Variants in ZFAT observed in about 807,000 individuals in gnomAD.
The protein encoded by ZFAT is zinc finger protein ZFAT.
A neutral mutation model predicts 117.7 loss-of-function variants in ZFAT; 64 were observed. The observed-to-expected ratio is 0.54, with a 90% confidence interval of 0.44 to 0.67. The LOEUF is 0.67. ZFAT is among the 30% of genes least tolerant of loss of function. The probability of loss-of-function intolerance (pLI) is 0.00; values close to 1 mark genes in which losing one functional copy is unlikely to be tolerated. For missense variants in ZFAT, 1,433 were observed against 1,584.5 expected, an observed-to-expected ratio of 0.90 and a Z score of 1.62; for synonymous variants, 679 against 615.0, an observed-to-expected ratio of 1.10 and a Z score of -1.54.
chr8:134,519,823 C>G (rs1354165324), intron 13 of ZFAT, among the ~76,000 whole-genome samples: 1 of 151,950 alleles, frequency 6.6e-6, no homozygotes, highest in Admixed American at 6.6e-5. Context: ...GGATGACACA[C>G]ATTTTTTTTT....
intron 15 of ZFAT, among the ~76,000 whole-genome samples, chr8:134,488,467 T>C (rs945447295): frequency 6.6e-6 from 1 of 152,216 alleles, no homozygotes; most frequent in Non-Finnish European, 1.5e-5. Flanking sequence ...CCTCTGTGTT[T>C]AGACACCGCT....
the ZFAT span, among the ~76,000 whole-genome samples, chr8:134,819,142 TCAA>T: frequency 2.6e-5 from 4 of 151,928 alleles, no homozygotes; most frequent in South Asian, 2.1e-4. Context: ...AAATACATTC[TCAA>T]CAACAACAAA....
chr8:134,586,150 T>G (rs560940141), intron 9 of ZFAT, among the ~76,000 whole-genome samples: 4 of 152,172 alleles, frequency 2.6e-5, no homozygotes, highest in African/African-American at 9.7e-5. Context: ...CAGAGAAAGT[T>G]ATAAATTAGA....
Position 134,588,334 on chromosome 8 carries a change from A to C in ZFAT, c.2625T>G (p.Ile875Met), listed in dbSNP as rs1444366915. Residue 875 changes from isoleucine to methionine, a missense_variant, in exon 9 of 16, where the codon ATT becomes ATG. Physicochemically the swap from Ile to Met is conservative, Grantham distance 10. Coordinates refer to ENST00000377838, the MANE Select transcript of ZFAT (RefSeq NM_020863.4). ...LGRRVQLKGL[I>M]GKRAMKCPYC... ...ATGGGCATTTCATGGCTCTCTTTCC[A>C]ATTAGCCCTTTCAGCTGAACCCTCC... 6.3e-7 allele frequency: 1 copy of C among 1,592,566 alleles called. No homozygotes were observed. Among genetic ancestry groups the C allele is most frequent in the Admixed American group, 1.7e-5 (1 of 57,510 alleles).
At chr8:134,638,400 T>C (rs989673060) in intron 2 of ZFAT, among the ~76,000 whole-genome samples, 1 of 151,902 alleles carries the variant, frequency 6.6e-6, no homozygotes, top group Non-Finnish European at 1.5e-5. Context: ...GGAATGAAGG[T>C]GGGAATTAAG....
intron 11 of ZFAT, among the ~76,000 whole-genome samples, chr8:134,552,287 T>C (rs751877805): frequency 2.0e-5 from 3 of 152,226 alleles, no homozygotes; most frequent in Non-Finnish European, 4.4e-5. Context: ...ACATTTCATA[T>C]GCTTTGCATC....
chr8:134,769,669 CTG>C, the ZFAT span, among the ~76,000 whole-genome samples: 2 of 150,120 alleles, frequency 1.3e-5, no homozygotes, highest in East Asian at 4.1e-4. Context: ...AGTAGGGACT[CTG>C]TGTGGGGGCT....
intron 4 of ZFAT, among the ~76,000 whole-genome samples, chr8:134,609,200 A>C (rs1828137742): frequency 6.6e-6 from 1 of 152,080 alleles, no homozygotes; most frequent in African/African-American, 2.4e-5. Flanking sequence ...ATATACATAT[A>C]TATGTTACTT....
chr8:134,592,815 T>C (rs1586770902), intron 7 of ZFAT, among the ~76,000 whole-genome samples: 1 of 152,258 alleles, frequency 6.6e-6, no homozygotes, highest in East Asian at 1.9e-4. Context: ...AGAAAAAGTG[T>C]ACTTTACATT....
chr8:134,827,061 C>T, the ZFAT span, among the ~76,000 whole-genome samples: 3 of 151,552 alleles, frequency 2.0e-5, no homozygotes, highest in African/African-American at 4.9e-5. Flanking sequence ...TAGGGGTGTC[C>T]GGAGAGGGAG....
At chr8:134,548,739 C>T (rs1406245948) in intron 11 of ZFAT, among the ~76,000 whole-genome samples, 1 of 152,160 alleles carries the variant, frequency 6.6e-6, no homozygotes, top group Non-Finnish European at 1.5e-5. Flanking sequence ...CACCTACTGA[C>T]ATCCCAGGGA....
chr8:134,604,082 C>A (rs1192144100), intron 5 of ZFAT, among the ~76,000 whole-genome samples: 4 of 152,202 alleles, frequency 2.6e-5, no homozygotes, highest in African/African-American at 7.2e-5. Flanking sequence ...GGTCTGCCTG[C>A]CTCATGAATT....
At chr8:134,506,471 A>G (rs1390046558) in intron 15 of ZFAT, among the ~76,000 whole-genome samples, 1 of 152,232 alleles carries the variant, frequency 6.6e-6, no homozygotes, top group Non-Finnish European at 1.5e-5. Flanking sequence ...AAGAATTTAA[A>G]TGGTCTCAAT....
chr8:134,646,186 G>A (rs1586883108), intron 2 of ZFAT, among the ~76,000 whole-genome samples: 1 of 152,166 alleles, frequency 6.6e-6, no homozygotes, highest in Non-Finnish European at 1.5e-5. Context: ...TCCAGCCTGG[G>A]CGAAAGAGCG....
At chr8:134,574,158 G>T (rs771459186) in intron 10 of ZFAT, among the ~76,000 whole-genome samples, 2 of 152,202 alleles carry the variant, frequency 1.3e-5, no homozygotes, top group East Asian at 3.9e-4. Flanking sequence ...TGTGGTAGGT[G>T]GGGGAGCCAG....
chr8:134,626,668 A>G (rs2131047978), intron 3 of ZFAT, among the ~76,000 whole-genome samples: 1 of 152,382 alleles, frequency 6.6e-6, no homozygotes, highest in South Asian at 2.1e-4. Context: ...TGTAAACACA[A>G]GTATGTAAAA....
At chr8:134,585,808 G>A (rs1376580405) in intron 9 of ZFAT, among the ~76,000 whole-genome samples, 1 of 152,174 alleles carries the variant, frequency 6.6e-6, no homozygotes, top group Non-Finnish European at 1.5e-5. Flanking sequence ...CCAGTGTTTA[G>A]AACTGCTGTA....
chr8:134,513,562 A>T (rs1820019994), intron 13 of ZFAT, among the ~76,000 whole-genome samples: 1 of 152,188 alleles, frequency 6.6e-6, no homozygotes, highest in Non-Finnish European at 1.5e-5. Context: ...CGAGGGTAGG[A>T]GGAGTTAAAG....
In ZFAT at chr8:134,509,744, G is replaced by A. The variant is rs200421725; in HGVS notation, c.3367C>T (p.Arg1123Ter). 1.9e-6 allele frequency: 3 copies of A among 1,602,358 alleles called. No homozygotes were observed. The highest frequency in any genetic ancestry group is 3.5e-5 in the Admixed American group (2 of 57,132). The part of the protein sequence containing the change: ...DLRYTSESGD[R>*]LDPTAVNILQ... Reference sequence around the variant, plus strand: ...ATGTTCACGGCCGTGGGGTCCAGTCGGTCGCCTTAAGAGGAAGAAGCAAAG... The same window carrying A: ...ATGTTCACGGCCGTGGGGTCCAGTCAGTCGCCTTAAGAGGAAGAAGCAAAG... The change falls in exon 15 of 16, where the codon CGA becomes TGA. Residue 1123 changes from arginine to a stop codon, truncating the protein, a stop_gained. Transcript: ENST00000377838. LOFTEE classifies it high-confidence loss of function.
Sources: allele counts gnomAD v4.1 joint callset (sites outside exome capture counted in the v4.1 genomes callset), GRCh38; gene constraint gnomAD v4.1.1; transcripts MANE v1.5; gene names NCBI Gene and HGNC (gene_info 2026-07-23, HGNC 2026-07-21).